Variants in NAALADL2 observed in about 807,000 individuals in gnomAD.
NAALADL2 encodes N-acetylated alpha-linked acidic dipeptidase like 2.
In NAALADL2, 76 loss-of-function variants were observed where a neutral mutation model predicts 87.2. The ratio of observed to expected loss-of-function variants is 0.87; its 90% CI spans 0.72 to 1.05. The LOEUF (loss-of-function observed/expected upper bound fraction) is 1.05. NAALADL2 is among the 50% of genes least tolerant of loss of function. The pLI is 0.00. For missense variants in NAALADL2, 1,089 were observed against 945.8 expected, an observed-to-expected ratio of 1.15 and a Z score of -1.99; for synonymous variants, 354 against 331.0, an observed-to-expected ratio of 1.07 and a Z score of -0.75.
intron 2 of NAALADL2, among the ~76,000 whole-genome samples, chr3:175,117,253 T>C (rs1036548983): frequency 1.6e-5 from 2 of 126,362 alleles, no homozygotes; most frequent in East Asian, 2.4e-4. Flanking sequence ...AAAGCCAAAA[T>C]TGACAAATGG....
At chr3:174,567,435 A>G (rs1233777169) in intron 2 of NAALADL2, among the ~76,000 whole-genome samples, 2 of 151,548 alleles carry the variant, frequency 1.3e-5, no homozygotes, top group Admixed American at 6.6e-5. Context: ...TCTAAACATT[A>G]GGCACTGAAC....
At chr3:175,682,324 A>G (rs550626189) in intron 11 of NAALADL2, among the ~76,000 whole-genome samples, 1 of 152,176 alleles carries the variant, frequency 6.6e-6, no homozygotes, top group African/African-American at 2.4e-5. Flanking sequence ...GATTAAAAGT[A>G]GATAGAAAAA....
rs547761039 is a variant in NAALADL2, at chr3:174,696,697, A to G, written c.-114-40944A>G. Among the ~76,000 whole-genome samples, 5 of 150,958 alleles carry G rather than the reference A, an allele frequency of 3.3e-5. No individual in the cohort carries two copies. In the East Asian group the frequency reaches 9.7e-4, roughly 29 times the overall value. ...ATCTAGGATTATTAAACCATGTTGT[A>G]TGCATTTTTTGCTTTAATTTCCTGA... On this transcript the variant is annotated intron_variant, in intron 2 of 3. Transcript: ENST00000434257.
chr3:175,268,397 G>T (rs1195236995), intron 4 of NAALADL2, among the ~76,000 whole-genome samples: 1 of 152,168 alleles, frequency 6.6e-6, no homozygotes, highest in Non-Finnish European at 1.5e-5. Flanking sequence ...AGGACTGGAA[G>T]TTGCTCTAGG....
At chr3:174,518,487 A>G (rs889137465) in intron 1 of NAALADL2, among the ~76,000 whole-genome samples, 2 of 152,172 alleles carry the variant, frequency 1.3e-5, no homozygotes, top group African/African-American at 4.8e-5. Context: ...AGTGTTTCCA[A>G]GTCCATTATC....
intron 2 of NAALADL2, among the ~76,000 whole-genome samples, chr3:174,636,862 C>A (rs958222127): frequency 6.6e-6 from 1 of 152,100 alleles, no homozygotes; most frequent in Non-Finnish European, 1.5e-5. Flanking sequence ...AAAGACATAC[C>A]TGCATTCCCA....
intron 1 of NAALADL2, among the ~76,000 whole-genome samples, chr3:175,051,632 A>G (rs913796079): frequency 6.6e-6 from 1 of 152,176 alleles, no homozygotes; most frequent in Non-Finnish European, 1.5e-5. Flanking sequence ...TAATCTAACC[A>G]TGGGCGCAAC....
intron 3 of NAALADL2, among the ~76,000 whole-genome samples, chr3:174,770,087 CTT>C (rs1396336678): frequency 5.9e-5 from 9 of 152,126 alleles, no homozygotes; most frequent in Non-Finnish European, 8.8e-5. Context: ...TCCATCAACT[CTT>C]TCAGCAAAAT....
At chr3:175,122,254 A>AG (rs1726271902) in intron 2 of NAALADL2, among the ~76,000 whole-genome samples, 1 of 151,852 alleles carries the variant, frequency 6.6e-6, no homozygotes, top group Non-Finnish European at 1.5e-5. Flanking sequence ...GGCCACTGCA[A>AG]TCAACAGTGA....
intron 1 of NAALADL2, among the ~76,000 whole-genome samples, chr3:174,482,630 G>A (rs1010332301): frequency 5.3e-5 from 8 of 151,934 alleles, no homozygotes; most frequent in African/African-American, 1.9e-4. Flanking sequence ...TGGATTTAAA[G>A]TCTTGAACTA....
At chr3:175,167,164 C>A (rs1211476949) in intron 2 of NAALADL2, among the ~76,000 whole-genome samples, 2 of 152,012 alleles carry the variant, frequency 1.3e-5, no homozygotes, top group South Asian at 2.1e-4. Flanking sequence ...ACCATACAGT[C>A]TATTGCAACC....
At chr3:175,016,975 A>G (rs1750905830) in intron 1 of NAALADL2, among the ~76,000 whole-genome samples, 1 of 151,976 alleles carries the variant, frequency 6.6e-6, no homozygotes, top group Admixed American at 6.6e-5. Flanking sequence ...ATTTTTTACT[A>G]TAGTCACACT....
At chr3:175,738,014 G>A (rs1744747594) in intron 12 of NAALADL2, among the ~76,000 whole-genome samples, 1 of 151,516 alleles carries the variant, frequency 6.6e-6, no homozygotes, top group Non-Finnish European at 1.5e-5. Flanking sequence ...CTTTCAATTA[G>A]GCTCCTAATT....
At chr3:174,704,479 A>T (rs1729871867) in intron 2 of NAALADL2, among the ~76,000 whole-genome samples, 1 of 152,148 alleles carries the variant, frequency 6.6e-6, no homozygotes, top group Admixed American at 6.5e-5. Context: ...ATTTAATTTA[A>T]TTTTGAATTA....
At chr3:175,514,811 A>T (rs978101736) in intron 9 of NAALADL2, among the ~76,000 whole-genome samples, 1 of 152,212 alleles carries the variant, frequency 6.6e-6, no homozygotes, top group Non-Finnish European at 1.5e-5. Context: ...TGAAAGGAAT[A>T]AAAAAAGTTT....
At chr3:174,495,896 A>T (rs1180891017) in intron 1 of NAALADL2, among the ~76,000 whole-genome samples, 2 of 152,214 alleles carry the variant, frequency 1.3e-5, no homozygotes, top group Non-Finnish European at 1.5e-5. Context: ...ATGCATGCAT[A>T]CAGAAAACTT....
chr3:175,442,989 A>G (rs1049528262), intron 5 of NAALADL2, among the ~76,000 whole-genome samples: 3 of 152,216 alleles, frequency 2.0e-5, no homozygotes, highest in Non-Finnish European at 2.9e-5. Context: ...CTGAATAAAA[A>G]TAGTACATGT....
chr3:175,772,678 T>C (rs1749670013), intron 13 of NAALADL2, among the ~76,000 whole-genome samples: 1 of 152,192 alleles, frequency 6.6e-6, no homozygotes, highest in African/African-American at 2.4e-5. Context: ...GAGACATCAG[T>C]TATAGCTAAG....
At chr3:175,741,436 T>A (rs1237158146) in intron 12 of NAALADL2, among the ~76,000 whole-genome samples, 1 of 152,074 alleles carries the variant, frequency 6.6e-6, no homozygotes, top group African/African-American at 2.4e-5. Flanking sequence ...TAAACATGAA[T>A]TTTGGGGGAC....
Sources: allele counts gnomAD v4.1 joint callset (sites outside exome capture counted in the v4.1 genomes callset), GRCh38; gene constraint gnomAD v4.1.1; transcripts MANE v1.5; gene names NCBI Gene and HGNC (gene_info 2026-07-23, HGNC 2026-07-21).